The following GABRA3 variants were observed in gnomAD, a reference collection of about 807,000 sequenced individuals.
The protein encoded by GABRA3 is gamma-aminobutyric acid type A receptor subunit alpha3.
Under a neutral mutation model 30.1 loss-of-function variants are expected in GABRA3, and 10 were observed. The observed-to-expected ratio is 0.33, with a 90% CI of 0.20 to 0.56. The LOEUF (loss-of-function observed/expected upper bound fraction) is 0.56, where lower values mean the gene tolerates loss of function less well. Ranked by LOEUF, GABRA3 falls within the 20% of genes least tolerant of loss-of-function variation. The probability of loss-of-function intolerance (pLI) is 0.89; values close to 1 mark genes in which losing one functional copy is unlikely to be tolerated. For synonymous variants in GABRA3, 151 were observed against 146.8 expected, an observed-to-expected ratio of 1.03 and a Z score of -0.21; for missense variants, 233 against 392.0, an observed-to-expected ratio of 0.59 and a Z score of 3.42.
chrX:152,390,243 G>A (rs778127555), intron 1 of GABRA3, among the ~76,000 whole-genome samples: 238 of 112,032 alleles, frequency 2.1e-3, no homozygotes, highest in Middle Eastern at 9.2e-3. Context: ...ACTATAAAGT[G>A]TATGCTGAGA....
chrX:152,295,231 G>A lies in GABRA3; in HGVS notation c.263-10496C>T, dbSNP rs756987462. Among the ~76,000 whole-genome samples, 6 of 112,070 alleles carry A rather than the reference G, an allele frequency of 5.4e-5. No homozygotes were observed. The South Asian group carries it at 1.5e-3, about 28-fold the overall frequency. ...TGGGAGAACCACTGCTCTCTTCAGAGCTGTCAGATGGACGTTTAAGTCTGC... is the reference window on the plus strand; with the variant it reads ...TGGGAGAACCACTGCTCTCTTCAGAACTGTCAGATGGACGTTTAAGTCTGC... On this transcript the variant is annotated intron_variant, in intron 3 of 9. Coordinates refer to ENST00000370314, the MANE Select transcript of GABRA3 (RefSeq NM_000808.4).
chrX:152,184,271 C>A lies in GABRA3; in HGVS notation c.1143+5459G>T, dbSNP rs753633372. Among the ~76,000 whole-genome samples the A allele has an allele frequency of 3.6e-5, 4 of 111,167 alleles. No homozygotes were observed. In the South Asian group the frequency reaches 1.1e-3, roughly 31 times the overall value. On this transcript the variant is annotated intron_variant, in intron 9 of 9. Coordinates refer to ENST00000370314, the MANE Select transcript of GABRA3 (RefSeq NM_000808.4). The stretch of plus-strand genomic sequence containing the variant: ...TTTATTTGCCTGTTTTTGTTTTAAT[C>A]TTTGCTCTTCTCTTTCACATTGCAA...
intron 9 of GABRA3, among the ~76,000 whole-genome samples, chrX:152,181,863 G>A (rs1053643868): frequency 9.0e-6 from 1 of 110,912 alleles, no homozygotes; most frequent in Non-Finnish European, 1.9e-5. Context: ...CATATGCAGG[G>A]AAAATTTAAC....
intron 2 of GABRA3, among the ~76,000 whole-genome samples, chrX:152,357,381 T>C (rs1205818739): frequency 3.6e-5 from 4 of 112,118 alleles, no homozygotes; most frequent in Non-Finnish European, 7.5e-5. Flanking sequence ...TGATCAGTGA[T>C]GTTCAGCATT....
intron 1 of GABRA3, among the ~76,000 whole-genome samples, chrX:152,416,922 C>G (rs1930240343): frequency 9.5e-6 from 1 of 105,630 alleles, no homozygotes; most frequent in African/African-American, 3.5e-5. Flanking sequence ...CATAAAAACC[C>G]TAGAAGAAAA....
chrX:152,170,413 A>G (rs1396600491), intron 9 of GABRA3, among the ~76,000 whole-genome samples: 1 of 112,395 alleles, frequency 8.9e-6, no homozygotes, highest in Non-Finnish European at 1.9e-5. Flanking sequence ...TCCTGGGCTC[A>G]AGTGATTCTC....
intron 1 of GABRA3, among the ~76,000 whole-genome samples, chrX:152,406,067 T>C (rs1400433710): frequency 9.1e-6 from 1 of 109,913 alleles, no homozygotes; most frequent in Non-Finnish European, 1.9e-5. Context: ...AGACAGTGCC[T>C]CTTGGGGTCT....
At chrX:152,244,419 C>T (rs1397800126) in intron 5 of GABRA3, among the ~76,000 whole-genome samples, 2 of 111,472 alleles carry the variant, frequency 1.8e-5, no homozygotes, top group Non-Finnish European at 3.8e-5. Context: ...GGTTACTGGC[C>T]CTATAAAAGT....
intron 3 of GABRA3, among the ~76,000 whole-genome samples, chrX:152,289,420 T>C (rs1249231123): frequency 1.8e-5 from 2 of 110,770 alleles, no homozygotes; most frequent in Non-Finnish European, 1.9e-5. Flanking sequence ...TCTGCTCTTC[T>C]TGTTTCTTTC....
chrX:152,439,142 T>A lies in GABRA3; in HGVS notation c.-27+12004A>T, dbSNP rs142338575. Among the ~76,000 whole-genome samples, 768 of 109,973 alleles carry A rather than the reference T, an allele frequency of 7.0e-3. 2 individuals are homozygous for A. Among genetic ancestry groups the A allele is most frequent in the South Asian group, 0.018 (45 of 2,544 alleles). ...GTTTATTATTATTATTATTATTATT[T>A]TTTGAGATGAAGTCTCACTCTGTCA... On this transcript the variant is annotated intron_variant, in intron 1 of 9. Transcript: ENST00000370314.
At chrX:152,199,180 C>T (rs1220238297) in intron 7 of GABRA3, among the ~76,000 whole-genome samples, 2 of 109,767 alleles carry the variant, frequency 1.8e-5, no homozygotes, top group East Asian at 5.7e-4. Flanking sequence ...TCCTGGCTAA[C>T]ATGGTGAAAC....
intron 7 of GABRA3, among the ~76,000 whole-genome samples, chrX:152,200,240 TC>T (rs1378319877): frequency 1.8e-5 from 2 of 111,561 alleles, no homozygotes; most frequent in Non-Finnish European, 3.8e-5. Flanking sequence ...TCACCTCTCT[TC>T]CTCCACCCAC....
intron 9 of GABRA3, among the ~76,000 whole-genome samples, chrX:152,188,088 TG>T (rs1283759243): frequency 1.8e-5 from 2 of 110,301 alleles, no homozygotes; most frequent in Non-Finnish European, 3.8e-5. Flanking sequence ...TTTGGGAAGG[TG>T]GGGGGAAGAA....
chrX:152,212,320 A>G (rs1937639056), intron 6 of GABRA3, among the ~76,000 whole-genome samples: 2 of 77,889 alleles, frequency 2.6e-5, no homozygotes, highest in Admixed American at 2.9e-4. Context: ...AAAAAAAAAA[A>G]AAAAAAAAAA....
At chrX:152,384,078 T>C (rs1929231320) in intron 1 of GABRA3, among the ~76,000 whole-genome samples, 1 of 110,050 alleles carries the variant, frequency 9.1e-6, no homozygotes. Context: ...TTCTACATAC[T>C]ATGAATGAAC....
chrX:152,233,574 T>C (rs1027998575), intron 5 of GABRA3, among the ~76,000 whole-genome samples: 1 of 109,900 alleles, frequency 9.1e-6, no homozygotes, highest in Admixed American at 9.7e-5. Flanking sequence ...TGTGGAGAAA[T>C]AGAACTCTTT....
intron 4 of GABRA3, among the ~76,000 whole-genome samples, chrX:152,275,206 A>ATATAT (rs1341806581): frequency 1.5e-5 from 1 of 64,572 alleles, no homozygotes; most frequent in Non-Finnish European, 2.5e-5. Context: ...TAATTTATAT[A>ATATAT]TATAATATTA....
At chrX:152,342,167 G>A (rs1164103235) in intron 3 of GABRA3, among the ~76,000 whole-genome samples, 1 of 112,510 alleles carries the variant, frequency 8.9e-6, no homozygotes, top group Non-Finnish European at 1.9e-5. Context: ...CACCACGCCC[G>A]GCCCTATTGA....
In GABRA3 at chrX:152,360,741, AAAAAAAAAATAAATT is replaced by A. The variant is rs1300232379; in HGVS notation, c.140+3675_140+3689del. On this transcript the variant is annotated intron_variant, in intron 2 of 9. Coordinates refer to ENST00000370314, the MANE Select transcript of GABRA3 (RefSeq NM_000808.4). ...AAAAAAAAATTAAAAAAAAAAATTAAAAAAAAAAATAAATTAAAAAAAAAAAATGTTTCTAATTCA... is the reference window on the plus strand; with the variant it reads ...AAAAAAAAATTAAAAAAAAAAATTAAAAAAAAAAAAAATGTTTCTAATTCA... Among the ~76,000 whole-genome samples, 355 of 66,482 alleles carry A rather than the reference AAAAAAAAAATAAATT, an allele frequency of 5.3e-3. 4 individuals carry two copies. The highest frequency in any genetic ancestry group is 0.029 in the African/African-American group (334 of 11,657). The allele number at this position is 66,482 out of a possible 115,157, so 57.7% of individuals were successfully genotyped here.
Sources: allele counts gnomAD v4.1 joint callset (sites outside exome capture counted in the v4.1 genomes callset), GRCh38; gene constraint gnomAD v4.1.1; transcripts MANE v1.5; gene names NCBI Gene and HGNC (gene_info 2026-07-23, HGNC 2026-07-21).